Variants in FYB1 observed in about 807,000 individuals in gnomAD.
FYB1 encodes the protein FYN binding protein 1.
In FYB1, 41 loss-of-function variants were observed where a neutral mutation model predicts 94.1. That is an observed-to-expected ratio of 0.44 (90% CI 0.34 to 0.57). The LOEUF is 0.57. Ranked by LOEUF, FYB1 falls within the 20% of genes least tolerant of loss-of-function variation. The pLI, the probability that FYB1 is intolerant of heterozygous loss-of-function variation, is 0.02. For missense variants in FYB1, 1,050 were observed against 976.8 expected, an observed-to-expected ratio of 1.07 and a Z score of -1.00; for synonymous variants, 367 against 353.2, an observed-to-expected ratio of 1.04 and a Z score of -0.44.
chr5:39,169,972 G>T, intron 2 of FYB1: 1 of 682,450 alleles, frequency 1.5e-6, no homozygotes, highest in East Asian at 2.7e-5. Flanking sequence ...CTCATCATCA[G>T]GTTCTGACTT....
chr5:39,136,429 T>G (rs1741686583), intron 7 of FYB1, among the ~76,000 whole-genome samples: 1 of 152,212 alleles, frequency 6.6e-6, no homozygotes, highest in African/African-American at 2.4e-5. Flanking sequence ...ATATAAAGAT[T>G]GGTAGTCATG....
At chr5:39,148,161 ATATATATAT>A (rs1742890683) in intron 3 of FYB1, among the ~76,000 whole-genome samples, 2 of 6,620 alleles carry the variant, frequency 3.0e-4, no homozygotes, top group Non-Finnish European at 6.8e-4. Flanking sequence ...TTTTTTATAT[ATATATATAT>A]ATATATATAT....
intron 1 of FYB1, among the ~76,000 whole-genome samples, chr5:39,255,339 A>T (rs1271444573): frequency 6.6e-6 from 1 of 152,158 alleles, no homozygotes; most frequent in Non-Finnish European, 1.5e-5. Context: ...TAAAGTTGGA[A>T]GTTAACACCA....
intron 9 of FYB1, among the ~76,000 whole-genome samples, chr5:39,131,259 A>T (rs1741182732): frequency 6.6e-6 from 1 of 152,156 alleles, no homozygotes; most frequent in African/African-American, 2.4e-5. Context: ...CTAAAATGTG[A>T]TTTCTGTGAG....
intron 3 of FYB1, among the ~76,000 whole-genome samples, chr5:39,152,751 T>G (rs1743355728): frequency 6.6e-6 from 1 of 152,060 alleles, no homozygotes; most frequent in Non-Finnish European, 1.5e-5. Flanking sequence ...TCTAAGAAAA[T>G]TCAAGCAAGA....
chr5:39,234,293 G>A (rs1444709732), intron 1 of FYB1, among the ~76,000 whole-genome samples: 1 of 151,998 alleles, frequency 6.6e-6, no homozygotes, highest in Non-Finnish European at 1.5e-5. Flanking sequence ...TTAAATCCAG[G>A]CATGGAGACA....
intron 1 of FYB1, among the ~76,000 whole-genome samples, chr5:39,240,041 T>C (rs996983864): frequency 2.6e-4 from 40 of 152,132 alleles, no homozygotes; most frequent in Admixed American, 1.6e-3. Flanking sequence ...AACCATCTAA[T>C]CTTTAGCAAA....
intron 1 of FYB1, among the ~76,000 whole-genome samples, chr5:39,260,765 G>A (rs1460284825): frequency 3.3e-5 from 5 of 152,058 alleles, no homozygotes; most frequent in Admixed American, 6.5e-5. Context: ...TGTATACATC[G>A]TAGTGTATAA....
At chr5:39,115,099 T>A (rs1026997744) in intron 16 of FYB1, among the ~76,000 whole-genome samples, 1 of 21,232 alleles carries the variant, frequency 4.7e-5, no homozygotes. Flanking sequence ...AAACACATAA[T>A]TTTTTTTTTT....
At chr5:39,208,702 C>T (rs1426496037) in intron 1 of FYB1, among the ~76,000 whole-genome samples, 1 of 152,118 alleles carries the variant, frequency 6.6e-6, no homozygotes, top group Non-Finnish European at 1.5e-5. Flanking sequence ...AGATTGCAGC[C>T]AGGGCGGGTG....
At chr5:39,129,750 G>A (rs1185048530) in intron 10 of FYB1, among the ~76,000 whole-genome samples, 1 of 151,658 alleles carries the variant, frequency 6.6e-6, no homozygotes, top group African/African-American at 2.4e-5. Flanking sequence ...TAGAATGGCT[G>A]TTATCAAAAA....
At chr5:39,235,066 A>C (rs952163709) in intron 1 of FYB1, among the ~76,000 whole-genome samples, 2 of 151,262 alleles carry the variant, frequency 1.3e-5, no homozygotes. Flanking sequence ...TAATAATAAT[A>C]ATAATAATAA....
chr5:39,148,154 T>TA (rs1561175246), intron 3 of FYB1, among the ~76,000 whole-genome samples: 1,036 of 41,248 alleles, frequency 0.025, 11 homozygotes, highest in African/African-American at 0.079. Context: ...ATATGTATTT[T>TA]TTATATATAT....
intron 3 of FYB1, 150 bp downstream of exon 3, chr5:39,153,298 C>A: frequency 1.1e-6 from 1 of 905,520 alleles, no homozygotes; most frequent in Non-Finnish European, 1.8e-6. Context: ...TTGGCCAGCT[C>A]GGCCAGCTCA....
intron 4 of FYB1, among the ~76,000 whole-genome samples, chr5:39,140,560 C>G (rs949419622): frequency 5.0e-4 from 76 of 152,140 alleles, no homozygotes; most frequent in African/African-American, 1.8e-3. Context: ...CAGCTCTTAG[C>G]AACCATTCCA....
intron 1 of FYB1, among the ~76,000 whole-genome samples, chr5:39,216,298 AT>A (rs1749864980): frequency 6.6e-6 from 1 of 152,212 alleles, no homozygotes. Context: ...GCATATATTT[AT>A]ATTAGCATAT....
Position 39,160,739 on chromosome 5 carries a change from A to C in FYB1, c.1136-7135T>G, listed in dbSNP as rs77592138. On this transcript the variant is annotated intron_variant, in intron 2 of 18. Coordinates refer to ENST00000512982, the MANE Select transcript of FYB1 (RefSeq NM_001465.6). The stretch of plus-strand genomic sequence containing the variant: ...TGCTATAAGAATTCAAAATATGTCT[A>C]TCTGCCAAGCACACAGTAGGTATTC... 0.011 allele frequency among the ~76,000 whole-genome samples: 1,610 copies of C among 152,306 alleles called. 65 individuals are homozygous for C. The East Asian group carries it at 0.14, about 13-fold the overall frequency.
chr5:39,142,780 A>G (rs1252494738), intron 3 of FYB1, among the ~76,000 whole-genome samples: 1 of 152,144 alleles, frequency 6.6e-6, no homozygotes, highest in Non-Finnish European at 1.5e-5. Flanking sequence ...CTTCCCTGAG[A>G]GTATTCTTAA....
intron 1 of FYB1, among the ~76,000 whole-genome samples, chr5:39,214,940 A>T (rs1383617277): frequency 2.6e-5 from 4 of 151,978 alleles, no homozygotes; most frequent in Non-Finnish European, 5.9e-5. Flanking sequence ...AAAAAAAAAT[A>T]TTGTGTGATT....
Sources: allele counts gnomAD v4.1 joint callset (sites outside exome capture counted in the v4.1 genomes callset), GRCh38; gene constraint gnomAD v4.1.1; transcripts MANE v1.5; gene names NCBI Gene and HGNC (gene_info 2026-07-23, HGNC 2026-07-21).